The following VAV1 variants were observed in gnomAD, a reference collection of about 807,000 sequenced individuals.
VAV1 encodes vav guanine nucleotide exchange factor 1, also known as proto-oncogene vav.
Under a neutral mutation model 128.1 loss-of-function variants are expected in VAV1, and 33 were observed. The ratio of observed to expected loss-of-function variants is 0.26; its 90% confidence interval spans 0.20 to 0.34. The LOEUF is 0.34. VAV1 is among the 10% of genes least tolerant of loss of function. The pLI is 1.00. For missense variants in VAV1, 715 were observed against 1,093.7 expected (o/e 0.65, Z 4.88); for synonymous variants, 394 against 409.8 (o/e 0.96, Z 0.47).
At chr19:6,833,840 G>A in intron 18 of VAV1, 68 bp from the exon 19 acceptor site, 1 of 1,613,674 alleles carries the variant, frequency 6.2e-7, no homozygotes, top group Non-Finnish European at 8.5e-7. Flanking sequence ...GGGGTGAGGA[G>A]AGTAAGGGGG....
In VAV1 at chr19:6,832,203, G is replaced by A; in HGVS notation, c.1508+3G>A. The A allele has an allele frequency of 6.2e-7, 1 of 1,613,838 alleles. No individual in the cohort carries two copies. Among genetic ancestry groups the A allele is most frequent in the South Asian group, 1.1e-5 (1 of 91,058 alleles). On this transcript the variant is annotated splice_donor_region_variant and intron_variant, in intron 15 of 26. Transcript: ENST00000602142. ...ATGGAGCAGTTTGAGATGGCCATGT[G>A]AGTCCCCGTCTTCCTCCCTCTTTCT... is the stretch of plus-strand genomic sequence containing the variant.
chr19:6,829,844 G>A lies in VAV1; in HGVS notation c.1324G>A (p.Asp442Asn). The A allele has an allele frequency of 1.2e-6, 2 of 1,614,190 alleles. No individual in the cohort carries two copies. Among genetic ancestry groups the A allele is most frequent in the African/African-American group, 1.3e-5 (1 of 75,048 alleles). ...CTGTAAGCGCAGGGGAGACTCCTATGACCTCAAGGACTTTGTAAACCTGCA... is the reference window on the plus strand; with the variant it reads ...CTGTAAGCGCAGGGGAGACTCCTATAACCTCAAGGACTTTGTAAACCTGCA... ...LICKRRGDSYDLKDFVNLHSF... is the reference protein window; with the variant it reads ...LICKRRGDSYNLKDFVNLHSF... The change falls in exon 14 of 27, where the codon GAC (aspartate) becomes AAC (asparagine). Residue 442 changes from aspartate (D) to asparagine (N), a missense_variant. Physicochemically the swap from Asp to Asn is conservative, Grantham distance 23. Transcript: ENST00000602142.
chr19:6,835,054 A>T (rs961265060), intron 19 of VAV1, among the ~76,000 whole-genome samples: 3 of 152,114 alleles, frequency 2.0e-5, no homozygotes, highest in African/African-American at 4.8e-5. Flanking sequence ...AAAAAATAAA[A>T]AAATAAATAT....
At position 6,777,897 on chromosome 19, in the gene VAV1, T is replaced by G. The variant is rs957845346; in HGVS notation, c.204+4886T>G. Among the ~76,000 whole-genome samples, 20 of 152,000 alleles carry G rather than the reference T, an allele frequency of 1.3e-4. No homozygotes were observed. The highest frequency in any genetic ancestry group is 2.9e-5 in the Non-Finnish European group (2 of 68,000). ...CTCACTGCAGCCTCCACCTCCCAGGTTCAAGCAATTCTCCTGCAGCAGCCT... is the reference window on the plus strand; with the variant it reads ...CTCACTGCAGCCTCCACCTCCCAGGGTCAAGCAATTCTCCTGCAGCAGCCT... On this transcript the variant is annotated intron_variant, in intron 1 of 26. Transcript: ENST00000602142. This position sits in a 1 kb window ranked among gnomAD's most constrained non-coding sequence, Gnocchi z 4.4.
At chr19:6,819,628 G>A (rs1406955165) in intron 1 of VAV1, among the ~76,000 whole-genome samples, 1 of 152,176 alleles carries the variant, frequency 6.6e-6, no homozygotes, top group African/African-American at 2.4e-5. Context: ...TGCAATACGT[G>A]GCTTTGGAAG....
chr19:6,837,844 A>G (rs1224152282), intron 21 of VAV1, among the ~76,000 whole-genome samples: 1 of 152,190 alleles, frequency 6.6e-6, no homozygotes, highest in African/African-American at 2.4e-5. Context: ...GAGCCTTCTC[A>G]TGCATAACCA....
At chr19:6,787,904 G>T (rs1044093138) in intron 1 of VAV1, among the ~76,000 whole-genome samples, 2 of 151,860 alleles carry the variant, frequency 1.3e-5, no homozygotes, top group African/African-American at 4.8e-5. Context: ...GTGAAACCCC[G>T]TCTCTACTAA....
intron 1 of VAV1, among the ~76,000 whole-genome samples, chr19:6,782,598 G>T (rs944741356): frequency 2.0e-5 from 3 of 152,168 alleles, no homozygotes; most frequent in African/African-American, 4.8e-5. Flanking sequence ...GCATCATTTT[G>T]CCAGGCACAA....
intron 14 of VAV1, 63 bp downstream of exon 14, chr19:6,829,981 T>C (rs971322013): frequency 1.1e-5 from 18 of 1,607,150 alleles, no homozygotes; most frequent in African/African-American, 1.3e-5. Context: ...CCCTCTCCAC[T>C]TGGGCATGTG....
At chr19:6,796,252 C>T (rs1483487613) in intron 1 of VAV1, among the ~76,000 whole-genome samples, 2 of 152,060 alleles carry the variant, frequency 1.3e-5, no homozygotes, top group Admixed American at 6.6e-5. Context: ...AGTGTGTACT[C>T]GAGAGAGAGG....
intron 1 of VAV1, among the ~76,000 whole-genome samples, chr19:6,786,238 A>G (rs1403421854): frequency 2.0e-5 from 3 of 152,162 alleles, no homozygotes; most frequent in Non-Finnish European, 4.4e-5. Flanking sequence ...TGAATATATG[A>G]TTCTAATTGC....
chr19:6,854,435 A>G (rs10422184), intron 26 of VAV1, among the ~76,000 whole-genome samples: 22,052 of 152,086 alleles, frequency 0.14, 2,711 homozygotes, highest in African/African-American at 0.34. Flanking sequence ...CAAGGGTGCC[A>G]GTCACGGTGG....
intron 23 of VAV1, among the ~76,000 whole-genome samples, chr19:6,848,787 A>T (rs331678): frequency 0.35 from 52,803 of 149,340 alleles, 14,473 homozygotes; most frequent in African/African-American, 0.76. Flanking sequence ...TTTTTAATTT[A>T]ATTTTATTAT....
In VAV1 at chr19:6,817,481, T is replaced by G. The variant is rs77953201; in HGVS notation, c.205-3221T>G. Among the ~76,000 whole-genome samples, 877 of 152,110 alleles carry G rather than the reference T, an allele frequency of 5.8e-3. 54 individuals are homozygous for G. The East Asian group carries it at 0.15, about 26-fold the overall frequency. Reference sequence around the variant, plus strand: ...CAGGCCCCACCTCCATCCATCTAGTTAACAAACATATATCAGGGGCCTCCT... The same window carrying G: ...CAGGCCCCACCTCCATCCATCTAGTGAACAAACATATATCAGGGGCCTCCT... On this transcript the variant is annotated intron_variant, in intron 1 of 26. Coordinates refer to ENST00000602142, the MANE Select transcript of VAV1 (RefSeq NM_005428.4).
intron 15 of VAV1, among the ~76,000 whole-genome samples, chr19:6,832,662 C>CTCCTCCTCCTCT (rs1231827418): frequency 7.6e-6 from 1 of 132,076 alleles, no homozygotes; most frequent in Admixed American, 7.6e-5. Context: ...CTTCCTCCTC[C>CTCCTCCTCCTCT]TCCTCCTCTT....
chr19:6,824,553 A>G (rs1187346829), intron 6 of VAV1, among the ~76,000 whole-genome samples: 1 of 151,192 alleles, frequency 6.6e-6, no homozygotes, highest in Admixed American at 6.6e-5. Context: ...CTTTTTTGAG[A>G]TAGAGTCTCA....
intron 1 of VAV1, among the ~76,000 whole-genome samples, chr19:6,809,941 C>G (rs1971479798): frequency 6.6e-6 from 1 of 151,938 alleles, no homozygotes. Context: ...GAAGCCAAGA[C>G]AAGCTAATTG....
intron 26 of VAV1, 93 bp from the exon 27 acceptor site, chr19:6,856,961 G>A (rs1972819498): frequency 1.8e-6 from 2 of 1,116,074 alleles, no homozygotes; most frequent in Admixed American, 3.5e-5. Flanking sequence ...CAGGTGCAAA[G>A]GCCCTGAGGT....
chr19:6,821,543 C>T (rs1030157918), intron 2 of VAV1, 79 bp from the exon 3 acceptor site: 4 of 1,564,534 alleles, frequency 2.6e-6, no homozygotes, highest in Non-Finnish European at 3.5e-6. Flanking sequence ...GCGCCTCAGA[C>T]AGAGCCTTGC....
Sources: allele counts gnomAD v4.1 joint callset (sites outside exome capture counted in the v4.1 genomes callset), GRCh38; gene constraint gnomAD v4.1.1; non-coding constraint Gnocchi (gnomAD v3.1); transcripts MANE v1.5; gene names NCBI Gene and HGNC (gene_info 2026-07-23, HGNC 2026-07-21).